The following MRPL14 variants were observed in gnomAD, a reference collection of about 807,000 sequenced individuals.
The protein encoded by MRPL14 is mitochondrial ribosomal protein L14, also known as large ribosomal subunit protein uL14m.
Under a neutral mutation model 10.9 loss-of-function variants are expected in MRPL14, and 8 were observed. That is an observed-to-expected ratio of 0.74 (90% confidence interval 0.43 to 1.33). The LOEUF is 1.33. MRPL14 is among the 40% of genes most tolerant of loss of function. The pLI is 0.01. For synonymous variants in MRPL14, 82 were observed against 74.1 expected, an observed-to-expected ratio of 1.11 and a Z score of -0.54; for missense variants, 179 against 194.5, an observed-to-expected ratio of 0.92 and a Z score of 0.47.
In MRPL14 at chr6:44,113,846, C is replaced by G; in HGVS notation, c.435G>C (p.Val145=). The part of the protein sequence containing the change: ...SKVLAIAQNF[V] ...CAACCAGAGGCCTGGGCTCAACTCA[C>G]ACAAAGTTCTGAGCAATGGCCAGCA... The change falls in exon 3 of 3, where the codon GTG becomes GTC. Residue 145 remains valine (V), a synonymous_variant. Coordinates refer to ENST00000372014, the MANE Select transcript of MRPL14 (RefSeq NM_032111.4). 1 of 1,552,306 alleles carries G rather than the reference C, an allele frequency of 6.4e-7. No homozygotes were observed.
intron 1 of MRPL14, 72 bp from the exon 2 acceptor site, chr6:44,116,701 C>A: frequency 2.0e-6 from 2 of 1,003,464 alleles, no homozygotes; most frequent in Non-Finnish European, 3.2e-6. Flanking sequence ...TCTTTGGGGA[C>A]TTGTGTGGGA....
intron 2 of MRPL14, 36 bp from the exon 3 acceptor site, chr6:44,114,245 T>G: frequency 6.3e-7 from 1 of 1,580,302 alleles, no homozygotes; most frequent in East Asian, 2.2e-5. Context: ...GCAGTCTGTA[T>G]CTCTTATGGT....
In MRPL14 at chr6:44,124,031, T is replaced by C. The variant is rs1582726478; in HGVS notation, c.-19+3313A>G. ...CAAACATCTATAATCCAGATATAAA[T>C]TTGTAATATTCTTCATCTGGTCAAA... On this transcript the variant is annotated intron_variant, in intron 1 of 2. Transcript: ENST00000372014. 3.3e-5 allele frequency among the ~76,000 whole-genome samples: 5 copies of C among 152,322 alleles called. No homozygotes were observed. The South Asian group carries it at 1.0e-3, about 32-fold the overall frequency.
chr6:44,125,957 A>G (rs1323959834), intron 1 of MRPL14, among the ~76,000 whole-genome samples: 2 of 152,206 alleles, frequency 1.3e-5, no homozygotes, highest in Non-Finnish European at 2.9e-5. Flanking sequence ...TCTTACCTCA[A>G]TAAAATCCTT....
rs199759175 is a variant in MRPL14 at position 44,114,151 on chromosome 6, T to G, written c.130A>C (p.Ser44Arg). The part of the protein sequence containing the change: ...KMTRVRVVDN[S>R]ALGNSPYHRA... ...TGGTATGGGCTGTTCCCCAGGGCAC[T>G]GTTGTCCACCACTCGTACCCGCGTC... The change falls in exon 3 of 3, where the codon AGT (serine) becomes CGT (arginine). Residue 44 changes from serine (S) to arginine (R), a missense_variant. By Grantham distance (110) the Ser-to-Arg change is moderately radical. Coordinates refer to ENST00000372014, the MANE Select transcript of MRPL14 (RefSeq NM_032111.4). 6.2e-7 allele frequency: 1 copy of G among 1,614,108 alleles called. No individual in the cohort carries two copies.
intron 1 of MRPL14, among the ~76,000 whole-genome samples, chr6:44,122,144 G>A (rs1476562236): frequency 1.3e-5 from 2 of 151,044 alleles, no homozygotes; most frequent in Non-Finnish European, 3.0e-5. Flanking sequence ...GTACAGTGAC[G>A]CCATCTCAGC....
intron 2 of MRPL14, among the ~76,000 whole-genome samples, chr6:44,115,094 T>C (rs954604368): frequency 6.6e-6 from 1 of 152,200 alleles, no homozygotes; most frequent in Non-Finnish European, 1.5e-5. Flanking sequence ...GACAAGGTAT[T>C]ATTAAGCAAG....
chr6:44,118,909 A>T (rs1330314717), intron 1 of MRPL14, among the ~76,000 whole-genome samples: 2 of 152,210 alleles, frequency 1.3e-5, no homozygotes, highest in East Asian at 3.9e-4. Context: ...AGTTGCGGTG[A>T]GCCGAGATCG....
chr6:44,119,215 CT>C (rs1330024773), intron 1 of MRPL14, among the ~76,000 whole-genome samples: 1 of 151,986 alleles, frequency 6.6e-6, no homozygotes, highest in Non-Finnish European at 1.5e-5. Flanking sequence ...TTAAATCATT[CT>C]TGTTCCATCA....
At chr6:44,123,941 T>C (rs925355854) in intron 1 of MRPL14, among the ~76,000 whole-genome samples, 2 of 152,218 alleles carry the variant, frequency 1.3e-5, no homozygotes, top group East Asian at 3.8e-4. Context: ...TTTTTCAATG[T>C]GTAGATTTGT....
intron 1 of MRPL14, among the ~76,000 whole-genome samples, chr6:44,121,887 C>T (rs1366107915): frequency 2.0e-5 from 3 of 148,924 alleles, no homozygotes; most frequent in East Asian, 2.0e-4. Context: ...TGCAGTGAGC[C>T]GAGATCACAC....
intron 2 of MRPL14, among the ~76,000 whole-genome samples, chr6:44,116,326 T>C (rs1405913364): frequency 1.3e-5 from 2 of 152,164 alleles, no homozygotes; most frequent in South Asian, 2.1e-4. Context: ...CATATGCCAT[T>C]CCCCATCACA....
In MRPL14 at chr6:44,113,852, G is replaced by C; in HGVS notation, c.429C>G (p.Asn143Lys). The C allele has an allele frequency of 6.4e-7, 1 of 1,562,920 alleles. No individual in the cohort carries two copies. The highest frequency in any genetic ancestry group is 1.8e-5 in the Admixed American group (1 of 55,546). The change falls in exon 3 of 3, where the codon AAC (asparagine) becomes AAG (lysine). Residue 143 changes from asparagine (N) to lysine (K), a missense_variant. Asn to Lys is a moderately conservative substitution (Grantham distance 94). Transcript: ENST00000372014. The part of the protein sequence containing the change: ...EYSKVLAIAQ[N>K]FV ...GAGGCCTGGGCTCAACTCACACAAA[G>C]TTCTGAGCAATGGCCAGCACCTTGG...
chr6:44,122,079 T>C (rs1023029957), intron 1 of MRPL14, among the ~76,000 whole-genome samples: 3 of 147,348 alleles, frequency 2.0e-5, no homozygotes, highest in Admixed American at 6.9e-5. Flanking sequence ...AGAGAGCTCT[T>C]CCCCCCCCTC....
At chr6:44,121,954 A>G (rs973163030) in intron 1 of MRPL14, among the ~76,000 whole-genome samples, 30 of 148,040 alleles carry the variant, frequency 2.0e-4, no homozygotes, top group Admixed American at 1.7e-3. Context: ...AAAAAAAAAG[A>G]ACTGATTTAT....
chr6:44,121,847 G>A (rs1042729997), intron 1 of MRPL14, among the ~76,000 whole-genome samples: 2 of 151,736 alleles, frequency 1.3e-5, no homozygotes, highest in African/African-American at 4.8e-5. Flanking sequence ...GCTGAGGCAG[G>A]AGAATCTCTT....
chr6:44,119,643 T>C (rs926555314), intron 1 of MRPL14, among the ~76,000 whole-genome samples: 8 of 152,214 alleles, frequency 5.3e-5, no homozygotes, highest in Non-Finnish European at 8.8e-5. Flanking sequence ...ACTTTAAGTT[T>C]TGAAGACAAT....
intron 1 of MRPL14, among the ~76,000 whole-genome samples, chr6:44,117,238 G>A (rs1775939660): frequency 6.6e-6 from 1 of 151,918 alleles, no homozygotes; most frequent in South Asian, 2.1e-4. Context: ...ACTGTAACAT[G>A]GAAAACTGAC....
intron 1 of MRPL14, among the ~76,000 whole-genome samples, chr6:44,123,581 G>A (rs1288786797): frequency 6.6e-6 from 1 of 152,208 alleles, no homozygotes; most frequent in South Asian, 2.1e-4. Flanking sequence ...TCCCTCAATA[G>A]CATGATCAGC....
Sources: allele counts gnomAD v4.1 joint callset (sites outside exome capture counted in the v4.1 genomes callset), GRCh38; gene constraint gnomAD v4.1.1; transcripts MANE v1.5; gene names NCBI Gene and HGNC (gene_info 2026-07-23, HGNC 2026-07-21).